The following ERBB4 variants were observed in gnomAD, a reference collection of about 807,000 sequenced individuals.
ERBB4 encodes erb-b2 receptor tyrosine kinase 4.
A neutral mutation model predicts 158.0 loss-of-function variants in ERBB4; 42 were observed. That is an observed-to-expected ratio of 0.27 (90% CI 0.21 to 0.34). The LOEUF (loss-of-function observed/expected upper bound fraction) is 0.34, where lower values mean the gene tolerates loss of function less well. Among genes scored for constraint, ERBB4 ranks in the 10% least tolerant of loss-of-function variants. ERBB4 has a pLI of 1.00. For synonymous variants in ERBB4, 583 were observed against 558.7 expected, an observed-to-expected ratio of 1.04 and a Z score of -0.61; for missense variants, 1,333 against 1,624.1, an observed-to-expected ratio of 0.82 and a Z score of 3.08.
intron 1 of ERBB4, among the ~76,000 whole-genome samples, chr2:212,361,722 G>A (rs890841584): frequency 2.0e-5 from 3 of 151,510 alleles, no homozygotes; most frequent in African/African-American, 7.3e-5. Context: ...TTATCTATAC[G>A]GCCTTAGGCA....
chr2:211,716,458 C>G (rs530962773), intron 7 of ERBB4, among the ~76,000 whole-genome samples: 1 of 149,738 alleles, frequency 6.7e-6, no homozygotes, highest in Non-Finnish European at 1.5e-5. Context: ...GGGCGGATCA[C>G]GAGGTCAGGA....
intron 3 of ERBB4, among the ~76,000 whole-genome samples, chr2:211,927,605 C>CA (rs529352211): frequency 6.6e-6 from 1 of 151,846 alleles, no homozygotes; most frequent in Admixed American, 6.6e-5. Flanking sequence ...TGCCTTCAAG[C>CA]AAAAAAGCAT....
At chr2:211,780,823 A>G (rs564126025) in intron 4 of ERBB4, among the ~76,000 whole-genome samples, 1 of 152,342 alleles carries the variant, frequency 6.6e-6, no homozygotes, top group South Asian at 2.1e-4. Flanking sequence ...TCGGTATTTT[A>G]GAAAAATGAT....
intron 4 of ERBB4, among the ~76,000 whole-genome samples, chr2:211,773,981 T>G (rs1359934798): frequency 1.3e-5 from 2 of 151,988 alleles, no homozygotes; most frequent in African/African-American, 4.8e-5. Flanking sequence ...GGTAACTTAT[T>G]CCGTTGATCA....
chr2:211,467,735 C>T (rs369165682), intron 20 of ERBB4, among the ~76,000 whole-genome samples: 1 of 152,042 alleles, frequency 6.6e-6, no homozygotes, highest in Admixed American at 6.6e-5. Flanking sequence ...TAAGGCTAGG[C>T]CATATGGGAG....
chr2:211,761,152 G>A (rs553778259), intron 4 of ERBB4, among the ~76,000 whole-genome samples: 12 of 132,720 alleles, frequency 9.0e-5, no homozygotes, highest in South Asian at 2.3e-4. Flanking sequence ...CTGAGATTGC[G>A]CCACTGTACT....
chr2:212,357,101 A>T (rs1475941560), intron 1 of ERBB4, among the ~76,000 whole-genome samples: 1 of 151,898 alleles, frequency 6.6e-6, no homozygotes, highest in Non-Finnish European at 1.5e-5. Context: ...AAATTATGTG[A>T]GCAAATTTGC....
Position 211,772,958 on chromosome 2 carries a change from T to A in ERBB4, c.556+15067A>T, listed in dbSNP as rs538747430. The stretch of plus-strand genomic sequence containing the variant: ...ATATATATATATATATATATATATT[T>A]TTTTTTTTAAAGATGGGGTCCTACT... On this transcript the variant is annotated intron_variant, in intron 4 of 27. Transcript: ENST00000342788. Among the ~76,000 whole-genome samples the A allele has an allele frequency of 3.9e-4, 51 of 129,624 alleles. 3 individuals carry two copies. Among genetic ancestry groups the A allele is most frequent in the Non-Finnish European group, 7.2e-4 (45 of 62,700 alleles). The allele number at this position is 129,624 out of a possible 152,430, so 85.0% of individuals were successfully genotyped here. A position where few individuals can be genotyped will look rare whatever the true frequency, so the allele number is the denominator to read the frequency against.
At chr2:211,514,256 C>T (rs1327656072) in intron 20 of ERBB4, among the ~76,000 whole-genome samples, 1 of 152,038 alleles carries the variant, frequency 6.6e-6, no homozygotes, top group Non-Finnish European at 1.5e-5. Context: ...TTCGATGTTG[C>T]TTCTAAATAT....
At chr2:212,191,967 T>C (rs986741371) in intron 1 of ERBB4, among the ~76,000 whole-genome samples, 3 of 109,018 alleles carry the variant, frequency 2.8e-5, no homozygotes, top group African/African-American at 3.8e-5. Context: ...GTTATATATG[T>C]TATATGTTAT....
intron 2 of ERBB4, among the ~76,000 whole-genome samples, chr2:212,071,114 C>T (rs540307233): frequency 2.0e-5 from 3 of 151,834 alleles, no homozygotes; most frequent in Non-Finnish European, 4.4e-5. Context: ...GGGGGTGTTA[C>T]AAAATAATAC....
At chr2:211,580,662 G>C (rs1429719821) in intron 19 of ERBB4, among the ~76,000 whole-genome samples, 1 of 150,054 alleles carries the variant, frequency 6.7e-6, no homozygotes, top group Non-Finnish European at 1.5e-5. Flanking sequence ...TCTACCCAGA[G>C]GAAAAGAGGT....
chr2:211,956,453 C>T (rs926898737), intron 2 of ERBB4, among the ~76,000 whole-genome samples: 3 of 151,962 alleles, frequency 2.0e-5, no homozygotes, highest in Non-Finnish European at 2.9e-5. Context: ...CTGGTTAGGA[C>T]GATGCAGCCT....
chr2:211,437,885 A>G (rs2063889389), intron 20 of ERBB4, among the ~76,000 whole-genome samples: 1 of 152,208 alleles, frequency 6.6e-6, no homozygotes, highest in Admixed American at 6.5e-5. Flanking sequence ...CCTGGGGGAA[A>G]AAGAATCCAA....
At chr2:212,138,088 A>G (rs2080331718) in intron 1 of ERBB4, among the ~76,000 whole-genome samples, 3 of 152,202 alleles carry the variant, frequency 2.0e-5, no homozygotes, top group Non-Finnish European at 2.9e-5. Context: ...AAATAATAAT[A>G]GTATACAAAT....
In ERBB4 at chr2:212,358,859, G is replaced by A. The variant is rs924789328; in HGVS notation, c.82+179590C>T. On this transcript the variant is annotated intron_variant, in intron 1 of 27. Coordinates refer to ENST00000342788, the MANE Select transcript of ERBB4 (RefSeq NM_005235.3). ...AATCTAACCTTCATTATGAAACCTTGTATGTCAAAAGATATATACAATATA... is the reference window on the plus strand; with the variant it reads ...AATCTAACCTTCATTATGAAACCTTATATGTCAAAAGATATATACAATATA... 1.1e-4 allele frequency among the ~76,000 whole-genome samples: 16 copies of A among 151,678 alleles called. 1 individual carries two copies. In the East Asian group the frequency reaches 2.7e-3, roughly 26 times the overall value.
chr2:211,805,486 G>A (rs753968358), intron 3 of ERBB4, among the ~76,000 whole-genome samples: 7 of 152,274 alleles, frequency 4.6e-5, no homozygotes, highest in East Asian at 1.9e-4. Context: ...AAGGAGAGAC[G>A]TATTTATTTA....
chr2:211,383,910 G>C lies in ERBB4; in HGVS notation c.3632C>G (p.Thr1211Ser), dbSNP rs777146030. Residue 1211 changes from threonine to serine, a missense_variant, in exon 28 of 28, where the codon ACC (threonine) becomes AGC (serine). This residue lies in a region of ERBB4 where 252 missense variants were observed against 241.3 expected (regional missense o/e 1.04). Transcript: ENST00000342788. ...EYVNEPLYLN[T>S]FANTLGKAEY... ...AGCTTTTCCCAAGGTGTTGGCAAAG[G>C]TGTTGAGGTACAGTGGCTCATTCAC... 2 of 1,613,960 alleles carry C rather than the reference G, an allele frequency of 1.2e-6. No homozygotes were observed. Among genetic ancestry groups the C allele is most frequent in the African/African-American group, 1.3e-5 (1 of 74,876 alleles).
intron 23 of ERBB4, among the ~76,000 whole-genome samples, chr2:211,422,929 T>G (rs1474891518): frequency 6.6e-6 from 1 of 151,914 alleles, no homozygotes; most frequent in African/African-American, 2.4e-5. Flanking sequence ...AAACAATATT[T>G]AATAGAATAA....
Sources: allele counts gnomAD v4.1 joint callset (sites outside exome capture counted in the v4.1 genomes callset), GRCh38; gene constraint gnomAD v4.1.1; regional missense constraint gnomAD v4.1.1; transcripts MANE v1.5; gene names NCBI Gene and HGNC (gene_info 2026-07-23, HGNC 2026-07-21).